Variants in RTL4 observed in about 807,000 individuals in gnomAD.
RTL4 encodes retrotransposon Gag like 4.
Under a neutral mutation model 5.3 loss-of-function variants are expected in RTL4, and 4 were observed. The ratio of observed to expected loss-of-function variants is 0.75; its 90% CI spans 0.37 to 1.72. RTL4 has a LOEUF of 1.72. RTL4 is among the 40% of genes most tolerant of loss of function. The pLI is 0.04. For synonymous variants in RTL4, 98 were observed against 87.3 expected (o/e 1.12, Z -0.68); for missense variants, 260 against 227.1 (o/e 1.14, Z -0.93).
the RTL4 span, among the ~76,000 whole-genome samples, chrX:112,083,029 C>A: frequency 9.1e-6 from 1 of 110,160 alleles, no homozygotes; most frequent in Non-Finnish European, 1.9e-5. Context: ...TTCTTTGCAG[C>A]TCCGCGGCCA....
At chrX:112,184,756 A>C in the RTL4 span, among the ~76,000 whole-genome samples, 2 of 112,146 alleles carry the variant, frequency 1.8e-5, no homozygotes, top group Non-Finnish European at 3.8e-5. Flanking sequence ...AATTCGTCAG[A>C]GATCTTGGTA....
At chrX:112,308,281 C>T in the RTL4 span, among the ~76,000 whole-genome samples, 1 of 111,195 alleles carries the variant, frequency 9.0e-6, no homozygotes, top group Non-Finnish European at 1.9e-5. Flanking sequence ...ACCTCCCACC[C>T]TGAGACAAAG....
chrX:112,159,028 T>C, the RTL4 span, among the ~76,000 whole-genome samples: 44 of 112,231 alleles, frequency 3.9e-4, 1 homozygote, highest in Middle Eastern at 4.6e-3. Context: ...AGAAAAAAAT[T>C]GCTATTTCAT....
At chrX:112,379,874 C>T in the RTL4 span, among the ~76,000 whole-genome samples, 7 of 111,092 alleles carry the variant, frequency 6.3e-5, no homozygotes, top group Admixed American at 1.9e-4. Context: ...TTATGGAGTA[C>T]GGTTCTATGA....
chrX:112,138,371 A>C, the RTL4 span, among the ~76,000 whole-genome samples: 2 of 111,890 alleles, frequency 1.8e-5, no homozygotes, highest in Middle Eastern at 4.7e-3. Context: ...CACACTTCAA[A>C]ATTGGGTAAG....
the RTL4 span, among the ~76,000 whole-genome samples, chrX:112,090,620 C>G: frequency 9.0e-6 from 1 of 111,046 alleles, no homozygotes; most frequent in African/African-American, 3.3e-5. Context: ...GGTGTATAAT[C>G]TTTTTAATGT....
chrX:112,332,156 A>T, the RTL4 span, among the ~76,000 whole-genome samples: 40 of 104,376 alleles, frequency 3.8e-4, no homozygotes, highest in African/African-American at 7.5e-4. Context: ...CTTAAAGTAC[A>T]ATAAAAAAAA....
upstream of RTL4, among the ~76,000 whole-genome samples, chrX:112,450,409 A>C: frequency 8.9e-6 from 1 of 112,191 alleles, no homozygotes; most frequent in Middle Eastern, 4.6e-3. Context: ...TGATCCCTCA[A>C]GCCTGTGTAT....
At chrX:112,121,217 T>C in the RTL4 span, among the ~76,000 whole-genome samples, 3 of 111,993 alleles carry the variant, frequency 2.7e-5, no homozygotes, top group African/African-American at 9.7e-5. Context: ...TATACTTCAA[T>C]TTTAGTATTA....
the RTL4 span, among the ~76,000 whole-genome samples, chrX:112,212,115 G>T: frequency 8.9e-6 from 1 of 112,590 alleles, no homozygotes; most frequent in African/African-American, 3.2e-5. Flanking sequence ...GGTGGCTCAC[G>T]CCTGTAATCC....
At chrX:112,111,458 C>A in the RTL4 span, among the ~76,000 whole-genome samples, 3 of 112,702 alleles carry the variant, frequency 2.7e-5, no homozygotes, top group African/African-American at 9.7e-5. Context: ...AAGACTGCGA[C>A]CTCCTTGGAT....
chrX:112,169,184 G>A, the RTL4 span, among the ~76,000 whole-genome samples: 12 of 105,384 alleles, frequency 1.1e-4, no homozygotes, highest in Admixed American at 7.4e-4. Flanking sequence ...GTGCGTTCTC[G>A]GCTCACTGCA....
the RTL4 span, among the ~76,000 whole-genome samples, chrX:112,314,097 T>C: frequency 8.9e-6 from 1 of 111,868 alleles, no homozygotes; most frequent in East Asian, 2.8e-4. Flanking sequence ...TCTCCAGATA[T>C]ACAAATATCA....
At chrX:112,388,640 G>A in the RTL4 span, among the ~76,000 whole-genome samples, 3 of 111,786 alleles carry the variant, frequency 2.7e-5, no homozygotes, top group African/African-American at 9.8e-5. Context: ...GAATTCTACC[G>A]AAAGTCTTTT....
chrX:112,253,035 T>C, the RTL4 span, among the ~76,000 whole-genome samples: 1 of 111,812 alleles, frequency 8.9e-6, no homozygotes, highest in African/African-American at 3.3e-5. Context: ...TGATACTTGC[T>C]ATAGAGTAAT....
At chrX:112,108,821 C>CA in the RTL4 span, among the ~76,000 whole-genome samples, 1 of 111,227 alleles carries the variant, frequency 9.0e-6, no homozygotes, top group Non-Finnish European at 1.9e-5. Context: ...AGATAAAGTC[C>CA]ACTGTGCAGG....
the RTL4 span, among the ~76,000 whole-genome samples, chrX:112,376,106 T>C: frequency 9.0e-6 from 1 of 110,961 alleles, no homozygotes; most frequent in Admixed American, 9.6e-5. Context: ...ATCTCGTGGA[T>C]AGAGGCCAGA....
the RTL4 span, among the ~76,000 whole-genome samples, chrX:112,329,900 G>A: frequency 9.1e-6 from 1 of 109,637 alleles, no homozygotes; most frequent in Non-Finnish European, 1.9e-5. Context: ...CAGAACCAAA[G>A]ACAAAAACCA....
chrX:112,162,741 A>G, the RTL4 span, among the ~76,000 whole-genome samples: 1 of 111,900 alleles, frequency 8.9e-6, no homozygotes, highest in Non-Finnish European at 1.9e-5. Flanking sequence ...GCCATCTACA[A>G]CAGACGAGTC....
Sources: gnomAD v4.1 joint callset for allele counts (sites outside exome capture counted in the v4.1 genomes callset) on GRCh38, gnomAD v4.1.1 for gene constraint, MANE v1.5 for transcripts, NCBI Gene and HGNC (gene_info 2026-07-23, HGNC 2026-07-21) for gene names.